The following C4orf17 variants were observed in gnomAD, a reference collection of about 807,000 sequenced individuals.
C4orf17 encodes the protein chromosome 4 open reading frame 17.
A neutral mutation model predicts 32.0 loss-of-function variants in C4orf17; 25 were observed. The observed-to-expected ratio is 0.78, with a 90% CI of 0.57 to 1.09. The LOEUF (loss-of-function observed/expected upper bound fraction) is 1.09, where lower values mean the gene tolerates loss of function less well. C4orf17 is among the 50% of genes least tolerant of loss of function. The pLI is 0.00. For synonymous variants in C4orf17, 149 were observed against 145.8 expected (o/e 1.02, Z -0.16); for missense variants, 420 against 420.0 (o/e 1.00, Z 0.00).
chr4:99,536,753 C>T (rs1421550192), intron 5 of C4orf17, among the ~76,000 whole-genome samples: 1 of 152,184 alleles, frequency 6.6e-6, no homozygotes, highest in Non-Finnish European at 1.5e-5. Context: ...CCCTGTGGTA[C>T]AGTGGGAAGG....
intron 5 of C4orf17, among the ~76,000 whole-genome samples, chr4:99,530,458 A>G (rs1305819485): frequency 6.6e-6 from 1 of 152,172 alleles, no homozygotes; most frequent in East Asian, 1.9e-4. Flanking sequence ...GGCCGTCCCC[A>G]GCCACAGTTA....
intron 3 of C4orf17, among the ~76,000 whole-genome samples, chr4:99,522,914 C>T (rs768107325): frequency 6.6e-6 from 1 of 152,116 alleles, no homozygotes; most frequent in African/African-American, 2.4e-5. Flanking sequence ...ATTACCATTA[C>T]TATTAATAGT....
intron 2 of C4orf17, 114 bp from the exon 3 acceptor site, chr4:99,522,386 T>A (rs1723301351): frequency 2.4e-6 from 2 of 822,336 alleles, no homozygotes; most frequent in South Asian, 3.6e-5. Flanking sequence ...GTTCAACATT[T>A]TACATACATT....
At chr4:99,521,111 C>G (rs540731315) in intron 2 of C4orf17, among the ~76,000 whole-genome samples, 2 of 152,266 alleles carry the variant, frequency 1.3e-5, no homozygotes, top group East Asian at 3.9e-4. Flanking sequence ...CGGTGGCTCA[C>G]GCCTGTAATC....
At chr4:99,520,465 T>C (rs1264811384) in intron 2 of C4orf17, among the ~76,000 whole-genome samples, 1 of 152,228 alleles carries the variant, frequency 6.6e-6, no homozygotes, top group Admixed American at 6.5e-5. Context: ...TGAAGAATTT[T>C]CTTTCTGGTT....
intron 2 of C4orf17, 148 bp downstream of exon 2, chr4:99,513,356 C>A: frequency 1.0e-6 from 1 of 994,112 alleles, no homozygotes; most frequent in Non-Finnish European, 1.5e-6. Context: ...GATGCCAGCA[C>A]TGTAGTGAGA....
intron 2 of C4orf17, among the ~76,000 whole-genome samples, chr4:99,518,193 T>C (rs1723218937): frequency 6.6e-6 from 1 of 151,972 alleles, no homozygotes; most frequent in South Asian, 2.1e-4. Flanking sequence ...CAGCTTTACT[T>C]CCACTCTTGC....
rs141069743 is a variant in C4orf17 at position 99,538,423 on chromosome 4, C to T, written c.628+673C>T. ...GATGCTGATAATGCTGGTCTCAGCA[C>T]TACTCTTTGAGAATCACTGCACTGA... On this transcript the variant is annotated intron_variant, in intron 6 of 8. Coordinates refer to ENST00000326581, the MANE Select transcript of C4orf17 (RefSeq NM_032149.3). Among the ~76,000 whole-genome samples, 812 of 152,314 alleles carry T rather than the reference C, an allele frequency of 5.3e-3. 9 individuals carry two copies. Among genetic ancestry groups the T allele is most frequent in the South Asian group, 0.011 (52 of 4,826 alleles).
At position 99,530,696 on chromosome 4, in the gene C4orf17, A is replaced by T. The variant is rs1723464263; in HGVS notation, c.546+738A>T. On this transcript the variant is annotated intron_variant, in intron 5 of 8. Coordinates refer to ENST00000326581, the MANE Select transcript of C4orf17 (RefSeq NM_032149.3). The stretch of plus-strand genomic sequence containing the variant: ...AACAGAGCATGTTGTAGAGATGGTT[A>T]TTGAATAAGCCTAACAAAGAAGTAT... Among the ~76,000 whole-genome samples the T allele has an allele frequency of 2.0e-5, 3 of 152,150 alleles. 1 individual carries two copies. The South Asian group carries it at 6.2e-4, about 32-fold the overall frequency.
chr4:99,514,088 T>C (rs749797551), intron 2 of C4orf17, among the ~76,000 whole-genome samples: 3 of 152,068 alleles, frequency 2.0e-5, no homozygotes, highest in Non-Finnish European at 4.4e-5. Context: ...CTGAGATTCT[T>C]ATCCCCAAGA....
chr4:99,537,065 C>T (rs1723574162), intron 5 of C4orf17, among the ~76,000 whole-genome samples: 2 of 152,028 alleles, frequency 1.3e-5, no homozygotes, highest in Non-Finnish European at 2.9e-5. Context: ...ACCTTTGACC[C>T]AGATGGCCTT....
At chr4:99,520,294 A>C (rs902461727) in intron 2 of C4orf17, among the ~76,000 whole-genome samples, 7 of 151,516 alleles carry the variant, frequency 4.6e-5, no homozygotes, top group African/African-American at 1.7e-4. Context: ...ATGGTGTTTC[A>C]CCGTGTTAAC....
chr4:99,525,336 G>T lies in C4orf17; in HGVS notation c.402+751G>T, dbSNP rs529807531. Among the ~76,000 whole-genome samples the T allele has an allele frequency of 5.3e-5, 8 of 152,254 alleles. No individual in the cohort carries two copies. In the East Asian group the frequency reaches 1.5e-3, roughly 29 times the overall value. ...TCCACGTCTTCCCCAAGCTTAGAAT[G>T]GTCAGTCTTTTTATTTTTAGCCAGC... On this transcript the variant is annotated intron_variant, in intron 4 of 8. Coordinates refer to ENST00000326581, the MANE Select transcript of C4orf17 (RefSeq NM_032149.3).
chr4:99,527,371 C>T (rs1245338500), intron 4 of C4orf17, among the ~76,000 whole-genome samples: 1 of 152,132 alleles, frequency 6.6e-6, no homozygotes. Context: ...ATTCACTCTG[C>T]TGTTGTTTGG....
chr4:99,538,803 AG>A (rs112833178), intron 6 of C4orf17, among the ~76,000 whole-genome samples: 4,108 of 152,272 alleles, frequency 0.027, 85 homozygotes, highest in Non-Finnish European at 0.037. Flanking sequence ...ATTACCTATT[AG>A]TCTGTATTTT....
In C4orf17 at chr4:99,539,175, T is replaced by C. The variant is rs758456508; in HGVS notation, c.641T>C (p.Val214Ala). 15 of 1,613,576 alleles carry C rather than the reference T, an allele frequency of 9.3e-6. No individual in the cohort carries two copies. Among genetic ancestry groups the C allele is most frequent in the African/African-American group, 1.3e-5 (1 of 74,822 alleles). Residue 214 changes from valine to alanine, a missense_variant, in exon 7 of 9, where the codon GTC (valine) becomes GCC (alanine). Physicochemically the swap from Val to Ala is moderately conservative, Grantham distance 64. Coordinates refer to ENST00000326581, the MANE Select transcript of C4orf17 (RefSeq NM_032149.3). ...TCTTTTAAACCAGAAAAAGAGTGGG[T>C]CTCAGCTTTGATTCATTCTGAGCTT... ...LHATSKEKEW[V>A]SALIHSELAE...
intron 1 of C4orf17, 57 bp from the exon 2 acceptor site, chr4:99,512,932 T>G (rs1480799415): frequency 5.7e-6 from 4 of 699,596 alleles, no homozygotes; most frequent in Non-Finnish European, 9.3e-6. Context: ...AAATGTTTGA[T>G]ATATAAGAAA....
intron 2 of C4orf17, among the ~76,000 whole-genome samples, chr4:99,520,613 C>T (rs1490567734): frequency 2.0e-5 from 3 of 152,134 alleles, no homozygotes. Flanking sequence ...CCTCTAATGC[C>T]TGCCACAAAG....
At chr4:99,515,633 A>C (rs1388927895) in intron 2 of C4orf17, among the ~76,000 whole-genome samples, 1 of 152,154 alleles carries the variant, frequency 6.6e-6, no homozygotes, top group Non-Finnish European at 1.5e-5. Context: ...TAATCTGTAC[A>C]ACAAGCCCCC....
Sources: gnomAD v4.1 joint callset for allele counts (sites outside exome capture counted in the v4.1 genomes callset) on GRCh38, gnomAD v4.1.1 for gene constraint, MANE v1.5 for transcripts, NCBI Gene and HGNC (gene_info 2026-07-23, HGNC 2026-07-21) for gene names.